TESK2: variants seen among roughly 807,000 people sequenced by gnomAD.
TESK2 encodes dual specificity testis-specific protein kinase 2.
Under a neutral mutation model 57.1 loss-of-function variants are expected in TESK2, and 39 were observed. The ratio of observed to expected loss-of-function variants is 0.68; its 90% CI spans 0.53 to 0.89. TESK2 has a LOEUF of 0.89. Among genes scored for constraint, TESK2 ranks in the 40% least tolerant of loss-of-function variants. The pLI, the probability that TESK2 is intolerant of heterozygous loss-of-function variation, is 0.00. For synonymous variants in TESK2, 249 were observed against 267.9 expected (o/e 0.93, Z 0.69); for missense variants, 646 against 732.1 (o/e 0.88, Z 1.36).
chr1:45,355,479 A>G, intron 4 of TESK2, 30 bp from the exon 5 acceptor site: 1 of 1,588,948 alleles, frequency 6.3e-7, no homozygotes, highest in Admixed American at 1.9e-5. Context: ...CCCAGCTACC[A>G]TTTATCAGAA....
intron 9 of TESK2, 39 bp from the exon 10 acceptor site, chr1:45,346,033 T>C: frequency 1.4e-6 from 2 of 1,456,730 alleles, no homozygotes; most frequent in Non-Finnish European, 1.9e-6. Flanking sequence ...CTGCCCTCCA[T>C]CTCCCACCCC....
intron 1 of TESK2, among the ~76,000 whole-genome samples, chr1:45,460,931 A>G (rs2149301072): frequency 6.6e-6 from 1 of 152,334 alleles, no homozygotes; most frequent in Non-Finnish European, 1.5e-5. Flanking sequence ...CTTGAAACCA[A>G]AAAGCCAAGG....
chr1:45,403,462 G>A (rs1649715220), intron 3 of TESK2, among the ~76,000 whole-genome samples: 3 of 152,272 alleles, frequency 2.0e-5, no homozygotes, highest in African/African-American at 7.2e-5. Flanking sequence ...CAGCTGAACA[G>A]ACATTAACCA....
chr1:45,423,279 C>T (rs371531323), intron 2 of TESK2, among the ~76,000 whole-genome samples: 9 of 152,240 alleles, frequency 5.9e-5, no homozygotes, highest in Non-Finnish European at 1.0e-4. Context: ...ATCCATAGGC[C>T]GGGCACAGTG....
Position 45,421,706 on chromosome 1 carries a change from A to C in TESK2, c.344+19T>G. On this transcript the variant is annotated intron_variant, in intron 3 of 10. Transcript: ENST00000372086. ...TGTTTCAGTTTTCTCATTGATCAGAAGGAAGGAAAAGCCATTACCTAAGGA... is the reference window on the plus strand; with the variant it reads ...TGTTTCAGTTTTCTCATTGATCAGACGGAAGGAAAAGCCATTACCTAAGGA... 1 of 1,613,712 alleles carries C rather than the reference A, an allele frequency of 6.2e-7. No individual in the cohort carries two copies. Among genetic ancestry groups the C allele is most frequent in the Non-Finnish European group, 8.5e-7 (1 of 1,179,876 alleles).
chr1:45,405,003 CA>C (rs1195021976), intron 3 of TESK2, among the ~76,000 whole-genome samples: 1 of 152,002 alleles, frequency 6.6e-6, no homozygotes, highest in Non-Finnish European at 1.5e-5. Flanking sequence ...GTAGTAATAA[CA>C]ATAATAAAAA....
chr1:45,381,027 A>G (rs1455597654), intron 4 of TESK2, among the ~76,000 whole-genome samples: 1 of 152,246 alleles, frequency 6.6e-6, no homozygotes, highest in African/African-American at 2.4e-5. Flanking sequence ...TGGGGAAGTA[A>G]CTTAATTTCT....
chr1:45,353,341 A>G (rs1442677117), intron 5 of TESK2, among the ~76,000 whole-genome samples: 3 of 152,198 alleles, frequency 2.0e-5, no homozygotes, highest in Non-Finnish European at 4.4e-5. Flanking sequence ...GCTCCTTACA[A>G]CTAGGCCTCT....
intron 1 of TESK2, among the ~76,000 whole-genome samples, chr1:45,486,703 G>GCA (rs1341323826): frequency 4.5e-5 from 6 of 132,426 alleles, no homozygotes; most frequent in East Asian, 2.4e-4. Flanking sequence ...AAAAACAAAC[G>GCA]CACACACACA....
At chr1:45,478,884 C>T (rs920688243) in intron 1 of TESK2, among the ~76,000 whole-genome samples, 31 of 152,016 alleles carry the variant, frequency 2.0e-4, no homozygotes, top group Non-Finnish European at 4.3e-4. Context: ...CCACCATGCC[C>T]AGCTAATTTT....
Position 45,355,341 on chromosome 1 carries a change from G to T in TESK2, c.502C>A (p.His168Asn). 1 of 1,614,094 alleles carries T rather than the reference G, an allele frequency of 6.2e-7. No individual in the cohort carries two copies. ...YDIAVGLSYL[H>N]FKGIFHRDLT... Reference sequence around the variant, plus strand: ...TCCCGATGAAAAATGCCTTTGAAGTGAAGGTAGCTGAGGCCCACTGCTATG... The same window carrying T: ...TCCCGATGAAAAATGCCTTTGAAGTTAAGGTAGCTGAGGCCCACTGCTATG... The change falls in exon 5 of 11, where the codon CAC becomes AAC. Residue 168 changes from histidine (H) to asparagine (N), a missense_variant. His to Asn is a moderately conservative substitution (Grantham distance 68, BLOSUM62 1). Transcript: ENST00000372086.
chr1:45,385,279 T>C (rs1316264236), intron 4 of TESK2: 1 of 976,704 alleles, frequency 1.0e-6, no homozygotes, highest in Admixed American at 6.2e-5. Context: ...AGGTCTGAAG[T>C]TGATAACTTG....
Position 45,472,171 on chromosome 1 carries a change from G to A in TESK2, c.-86-14300C>T, listed in dbSNP as rs1169405405. ...GGAGGCTGAGGCAGGAGAATGGCATGAACCTGGGAGGCGGAGCTTGCAGTG... is the reference window on the plus strand; with the variant it reads ...GGAGGCTGAGGCAGGAGAATGGCATAAACCTGGGAGGCGGAGCTTGCAGTG... On this transcript the variant is annotated intron_variant, in intron 1 of 10. Transcript: ENST00000372086. Among the ~76,000 whole-genome samples, 18 of 151,136 alleles carry A rather than the reference G, an allele frequency of 1.2e-4. No individual in the cohort carries two copies. In the East Asian group the frequency reaches 3.5e-3, roughly 29 times the overall value.
intron 3 of TESK2, among the ~76,000 whole-genome samples, chr1:45,413,403 A>G (rs1255752500): frequency 6.6e-6 from 1 of 152,158 alleles, no homozygotes; most frequent in Non-Finnish European, 1.5e-5. Flanking sequence ...AAAGAGAACT[A>G]CAAAGGTTCA....
chr1:45,427,214 G>A (rs1650731829), intron 2 of TESK2, among the ~76,000 whole-genome samples: 1 of 141,280 alleles, frequency 7.1e-6, no homozygotes, highest in Non-Finnish European at 1.5e-5. Flanking sequence ...CTGCACTTCA[G>A]CCTCAGCAAG....
At chr1:45,480,521 T>C (rs1466451345) in intron 1 of TESK2, among the ~76,000 whole-genome samples, 1 of 150,830 alleles carries the variant, frequency 6.6e-6, no homozygotes, top group Non-Finnish European at 1.5e-5. Flanking sequence ...CTTGCACACA[T>C]ATAAAATGAC....
chr1:45,372,499 A>C (rs990298358), intron 4 of TESK2, among the ~76,000 whole-genome samples: 3 of 149,326 alleles, frequency 2.0e-5, no homozygotes, highest in Non-Finnish European at 4.5e-5. Context: ...GAATCGCTTG[A>C]ACCCAGGAGG....
chr1:45,484,660 A>C (rs1653382225), intron 1 of TESK2, among the ~76,000 whole-genome samples: 1 of 151,960 alleles, frequency 6.6e-6, no homozygotes, highest in South Asian at 2.1e-4. Flanking sequence ...TCAACCCGGA[A>C]GGCGGAAGTT....
intron 3 of TESK2, among the ~76,000 whole-genome samples, chr1:45,400,179 G>A (rs141035574): frequency 3.3e-5 from 5 of 152,358 alleles, no homozygotes; most frequent in Non-Finnish European, 5.9e-5. Flanking sequence ...ATAGGTGGAA[G>A]AGGGAGGCAG....
Sources: gnomAD v4.1 joint callset for allele counts (sites outside exome capture counted in the v4.1 genomes callset) on GRCh38, gnomAD v4.1.1 for gene constraint, MANE v1.5 for transcripts, NCBI Gene and HGNC (gene_info 2026-07-23, HGNC 2026-07-21) for gene names.